The following CPNE9 variants were observed in gnomAD, a reference collection of about 807,000 sequenced individuals.
CPNE9 encodes copine family member 9.
CPNE9 carries 59 observed loss-of-function variants against 83.0 expected under a neutral mutation model. The observed-to-expected ratio is 0.71, with a 90% CI of 0.58 to 0.88. The LOEUF (loss-of-function observed/expected upper bound fraction) is 0.88. Ranked by LOEUF, CPNE9 falls within the 40% of genes least tolerant of loss-of-function variation. The probability of loss-of-function intolerance (pLI) is 0.00; values close to 1 mark genes in which losing one functional copy is unlikely to be tolerated. For synonymous variants in CPNE9, 256 were observed against 273.4 expected (o/e 0.94, Z 0.63); for missense variants, 619 against 720.8 (o/e 0.86, Z 1.62).
At chr3:9,717,166 A>G (rs2076691718) in intron 15 of CPNE9, 62 bp downstream of exon 15, 1 of 1,572,538 alleles carries the variant, frequency 6.4e-7, no homozygotes, top group Non-Finnish European at 8.7e-7. Context: ...AGTCATTAGG[A>G]GTTGGCCTGG....
chr3:9,714,936 G>T lies in CPNE9; in HGVS notation c.673G>T (p.Asp225Tyr), dbSNP rs992807895. Reference protein sequence around the residue: ...YDRTVKIDVYDWDRDGSHDFI... With the variant: ...YDRTVKIDVYYWDRDGSHDFI... ...CAGAACGGTGAAGATTGATGTGTACGACTGGGACCGGGATGGAAGGTAGAA... is the reference window on the plus strand; with the variant it reads ...CAGAACGGTGAAGATTGATGTGTACTACTGGGACCGGGATGGAAGGTAGAA... The change falls in exon 11 of 21, where the codon GAC (aspartate) becomes TAC (tyrosine). Residue 225 changes from aspartate (D) to tyrosine (Y), a missense_variant. By Grantham distance (160) the Asp-to-Tyr change is radical. Coordinates refer to ENST00000383832, the MANE Select transcript of CPNE9 (RefSeq NM_153635.3). The T allele has an allele frequency of 4.3e-6, 7 of 1,613,930 alleles. No homozygotes were observed. The highest frequency in any genetic ancestry group is 1.7e-5 in the Admixed American group (1 of 60,018).
chr3:9,727,909 G>A (rs1322097724), intron 20 of CPNE9, among the ~76,000 whole-genome samples: 1 of 152,188 alleles, frequency 6.6e-6, no homozygotes, highest in Non-Finnish European at 1.5e-5. Flanking sequence ...AGTGGGGAGG[G>A]AGAGAAAGTG....
At chr3:9,714,639 T>TAAAAAAAA (rs34491669) in intron 10 of CPNE9, among the ~76,000 whole-genome samples, 6 of 103,340 alleles carry the variant, frequency 5.8e-5, no homozygotes, top group Non-Finnish European at 1.0e-4. Context: ...CTCAAAGTGG[T>TAAAAAAAA]AAAAAAAAAA....
chr3:9,726,896 G>C (rs1253256994), intron 19 of CPNE9, among the ~76,000 whole-genome samples, 174 bp downstream of exon 19: 1 of 152,216 alleles, frequency 6.6e-6, no homozygotes. Flanking sequence ...CAAGGCTGAT[G>C]ATACTAATAC....
chr3:9,711,268 T>C (rs573496761), intron 7 of CPNE9, among the ~76,000 whole-genome samples: 7 of 152,248 alleles, frequency 4.6e-5, no homozygotes, highest in African/African-American at 1.4e-4. Flanking sequence ...AAGGGCTTGA[T>C]CTCAGCTCAC....
intron 15 of CPNE9, among the ~76,000 whole-genome samples, chr3:9,717,670 G>GTGGATGGATGGA (rs113581025): frequency 1.2e-3 from 177 of 151,952 alleles, no homozygotes; most frequent in African/African-American, 1.1e-3. Context: ...AGACAAGTGG[G>GTGGATGGATGGA]TGGATGGATG....
intron 17 of CPNE9, among the ~76,000 whole-genome samples, chr3:9,721,080 T>C (rs2076730009): frequency 6.6e-6 from 1 of 152,348 alleles, no homozygotes; most frequent in South Asian, 2.1e-4. Flanking sequence ...TTATCATTAT[T>C]ACTATCCAAA....
In CPNE9 at chr3:9,707,853, A is replaced by C. The variant is rs146323817; in HGVS notation, c.377+1790A>C. Among the ~76,000 whole-genome samples the C allele has an allele frequency of 1.9e-3, 287 of 151,698 alleles. 1 individual carries two copies. Among genetic ancestry groups the C allele is most frequent in the African/African-American group, 6.3e-3 (261 of 41,394 alleles). On this transcript the variant is annotated intron_variant, in intron 7 of 20. Coordinates refer to ENST00000383832, the MANE Select transcript of CPNE9 (RefSeq NM_153635.3). ...GGAGGAGGAATTCAATCAAGAGTTC[A>C]ATCTGACATGTTGAATTTTATGTTT...
chr3:9,705,653 G>C (rs2076556593), intron 5 of CPNE9, 65 bp from the exon 6 acceptor site: 1 of 1,603,808 alleles, frequency 6.2e-7, no homozygotes, highest in East Asian at 2.2e-5. Context: ...CTGCCTGAGT[G>C]TCCTGCCTGT....
At chr3:9,727,031 C>CCAAAGGGGAGCT in intron 19 of CPNE9, 82 bp from the exon 20 acceptor site, 1 of 1,457,848 alleles carries the variant, frequency 6.9e-7, no homozygotes, top group Non-Finnish European at 9.6e-7. Context: ...CCTGATGACT[C>CCAAAGGGGAGCT]CAAAGGGGAG....
chr3:9,721,635 A>G (rs1177164856), intron 17 of CPNE9, among the ~76,000 whole-genome samples: 1 of 152,200 alleles, frequency 6.6e-6, no homozygotes, highest in Non-Finnish European at 1.5e-5. Flanking sequence ...GAGAAACAGA[A>G]GCAGAGTAGG....
At chr3:9,705,442 A>ACCCCCCCCCCCCCC in intron 4 of CPNE9, 22 bp from the exon 5 acceptor site, 1 of 559,500 alleles carries the variant, frequency 1.8e-6, no homozygotes, top group Non-Finnish European at 2.9e-6. Flanking sequence ...CCCACCCCAC[A>ACCCCCCCCCCCCCC]CCGGTTCCAC....
At chr3:9,705,582 A>G in intron 5 of CPNE9, 82 bp downstream of exon 5, 8 of 1,564,360 alleles carry the variant, frequency 5.1e-6, no homozygotes, top group Non-Finnish European at 7.0e-6. Context: ...ACTCCTCCCA[A>G]CCCTCGACCC....
chr3:9,715,882 G>C, intron 13 of CPNE9, 92 bp from the exon 14 acceptor site: 1 of 1,073,996 alleles, frequency 9.3e-7, no homozygotes. Context: ...CTCCCATCAC[G>C]TGCCTCTTTC....
At chr3:9,719,397 A>C (rs1347635004) in intron 17 of CPNE9, among the ~76,000 whole-genome samples, 1 of 152,102 alleles carries the variant, frequency 6.6e-6, no homozygotes, top group Non-Finnish European at 1.5e-5. Context: ...TGGGTAAGAG[A>C]GAGAAGAGCC....
intron 20 of CPNE9, chr3:9,727,566 G>T (rs1210540730): frequency 1.6e-6 from 1 of 609,330 alleles, no homozygotes; most frequent in Non-Finnish European, 2.9e-6. Context: ...AGCTTGCCAA[G>T]ACCTAAGGGA....
Position 9,718,055 on chromosome 3 carries a change from C to T in CPNE9, c.958C>T (p.His320Tyr). 1.2e-6 allele frequency: 2 copies of T among 1,613,370 alleles called. No individual in the cohort carries two copies. Among genetic ancestry groups the T allele is most frequent in the Non-Finnish European group, 1.7e-6 (2 of 1,179,620 alleles). The change falls in exon 16 of 21, where the codon CAC (histidine) becomes TAC (tyrosine). Residue 320 changes from histidine to tyrosine, a missense_variant. Physicochemically the swap from His to Tyr is moderately conservative, Grantham distance 83 (BLOSUM62 2). This residue lies in a region of CPNE9 where 438 missense variants were observed against 562.9 expected (regional missense o/e 0.78). Coordinates refer to ENST00000383832, the MANE Select transcript of CPNE9 (RefSeq NM_153635.3). The stretch of plus-strand genomic sequence containing the variant: ...GAATCCTCTGCAGCCTACCTCCCTG[C>T]ACTACATGAGTCCCTACCAGCTCAG... The part of the protein sequence containing the change: ...NGNPLQPTSL[H>Y]YMSPYQLSAY...
rs2076783050 is a variant in CPNE9 at position 9,726,146 on chromosome 3, T to C, written c.1344+95T>C. ...CTACTTGCAAGCTAACAAGTTAGCC[T>C]GCCAGTTTCATGGATGCTGGCAGAA... On this transcript the variant is annotated intron_variant, in intron 18 of 20. Transcript: ENST00000383832. 7 of 741,946 alleles carry C rather than the reference T, an allele frequency of 9.4e-6. No homozygotes were observed. In the East Asian group the frequency reaches 2.1e-4, roughly 22 times the overall value. 46.0% of individuals were successfully genotyped at this position (741,946 alleles called of 1,614,324 possible).
At chr3:9,714,611 G>A (rs1394732047) in intron 10 of CPNE9, among the ~76,000 whole-genome samples, 2 of 117,124 alleles carry the variant, frequency 1.7e-5, no homozygotes, top group African/African-American at 2.8e-5. Context: ...TGAGAAAAAT[G>A]CCTGGAATAC....
Sources: gnomAD v4.1 joint callset for allele counts (sites outside exome capture counted in the v4.1 genomes callset) on GRCh38, gnomAD v4.1.1 for gene constraint, gnomAD v4.1.1 regional missense constraint, MANE v1.5 for transcripts, NCBI Gene and HGNC (gene_info 2026-07-23, HGNC 2026-07-21) for gene names.